GCSH: variants seen among roughly 807,000 people sequenced by gnomAD.
GCSH encodes glycine cleavage system H protein, mitochondrial.
GCSH carries 15 observed loss-of-function variants against 21.3 expected under a neutral mutation model. The observed-to-expected ratio is 0.70, with a 90% CI of 0.47 to 1.08. The LOEUF is 1.08. Ranked by LOEUF, GCSH falls within the 50% of genes least tolerant of loss-of-function variation. The pLI, the probability that GCSH is intolerant of heterozygous loss-of-function variation, is 0.00. For missense variants in GCSH, 179 were observed against 217.5 expected (o/e 0.82, Z 1.11); for synonymous variants, 59 against 84.5 (o/e 0.70, Z 1.66).
chr16:81,084,342 C>T, intron 4 of GCSH, 121 bp downstream of exon 4: 2 of 797,820 alleles, frequency 2.5e-6, no homozygotes, highest in Non-Finnish European at 4.4e-6. Context: ...AGCAGAACAT[C>T]TCTATTTAGT....
At chr16:81,091,412 C>T (rs1972394750) in intron 1 of GCSH, among the ~76,000 whole-genome samples, 1 of 152,132 alleles carries the variant, frequency 6.6e-6, no homozygotes, top group African/African-American at 2.4e-5. Context: ...AGGTTCAGCC[C>T]TCGACTTACT....
At chr16:81,088,368 G>C (rs181022647) in intron 2 of GCSH, among the ~76,000 whole-genome samples, 2 of 152,270 alleles carry the variant, frequency 1.3e-5, no homozygotes, top group East Asian at 3.9e-4. Flanking sequence ...CCTAACACAA[G>C]CCTCCTGCCC....
chr16:81,085,539 TC>T (rs1303597350), intron 3 of GCSH, among the ~76,000 whole-genome samples: 1 of 152,142 alleles, frequency 6.6e-6, no homozygotes, highest in Non-Finnish European at 1.5e-5. Context: ...TTTAGAATGT[TC>T]CAGTGACAGT....
Position 81,082,033 on chromosome 16 carries a change from C to T in GCSH, c.*833G>A, listed in dbSNP as rs1297303602. The stretch of plus-strand genomic sequence containing the variant: ...ACGTGGTTTAACAACTTAAAAACAC[C>T]ATGTGCTATACTGATCAAAACTTCC... On this transcript the variant is annotated 3_prime_UTR_variant, in exon 5 of 5. Coordinates refer to ENST00000315467, the MANE Select transcript of GCSH (RefSeq NM_004483.5). 2.2e-6 allele frequency: 1 copy of T among 453,920 alleles called. No homozygotes were observed. Among genetic ancestry groups the T allele is most frequent in the Non-Finnish European group, 4.4e-6 (1 of 226,770 alleles). The allele number at this position is 453,920 out of a possible 1,614,324, so 28.1% of individuals were successfully genotyped here. A position where few individuals can be genotyped will look rare whatever the true frequency, so the allele number is the denominator to read the frequency against.
intron 3 of GCSH, among the ~76,000 whole-genome samples, chr16:81,085,808 C>T (rs8177936): frequency 0.037 from 5,658 of 152,004 alleles, 289 homozygotes; most frequent in African/African-American, 0.12. Flanking sequence ...TGCAGTGAGC[C>T]GAGACCATGC....
chr16:81,082,240 G>A lies in GCSH; in HGVS notation c.*626C>T, dbSNP rs1179676935. The A allele has an allele frequency of 2.2e-6, 1 of 452,844 alleles. No homozygotes were observed. Among genetic ancestry groups the A allele is most frequent in the African/African-American group, 2.0e-5 (1 of 49,940 alleles). 28.1% of individuals were successfully genotyped at this position (452,844 alleles called of 1,614,324 possible). ...TCTGGCTTAAATTTCCTTTTAAAAA[G>A]TAACTTTCCGTAAGTTAAAGTTAGC... On this transcript the variant is annotated 3_prime_UTR_variant, in exon 5 of 5. Transcript: ENST00000315467.
chr16:81,087,253 C>A (rs915336406), intron 3 of GCSH, among the ~76,000 whole-genome samples: 3 of 152,034 alleles, frequency 2.0e-5, no homozygotes, highest in Non-Finnish European at 2.9e-5. Flanking sequence ...TGGCTGGGCA[C>A]GGTGGCTCAC....
chr16:81,088,111 G>GC (rs2151769605), intron 2 of GCSH, among the ~76,000 whole-genome samples: 1 of 152,106 alleles, frequency 6.6e-6, no homozygotes, highest in Admixed American at 6.6e-5. Flanking sequence ...TGGCGACAGA[G>GC]CAAGACTCCA....
At chr16:81,089,439 GC>G (rs8177888) in intron 2 of GCSH, among the ~76,000 whole-genome samples, 5,298 of 152,194 alleles carry the variant, frequency 0.035, 243 homozygotes, top group African/African-American at 0.11. Context: ...GTTTTGATAG[GC>G]CAAGTGTGTT....
intron 1 of GCSH, chr16:81,091,252 T>C (rs963600790): frequency 2.8e-6 from 1 of 363,202 alleles, no homozygotes. Context: ...ACTAAGTTCT[T>C]AAAATTCTAC....
Position 81,083,334 on chromosome 16 carries a change from A to G in GCSH, c.425-371T>C, listed in dbSNP as rs142514285. Reference sequence around the variant, plus strand: ...GGAGCTCTAGACCAGCCTGGCCAACATAGTGGAACCCCATCTCTACCAAAA... The same window carrying G: ...GGAGCTCTAGACCAGCCTGGCCAACGTAGTGGAACCCCATCTCTACCAAAA... On this transcript the variant is annotated intron_variant, in intron 4 of 4. Coordinates refer to ENST00000315467, the MANE Select transcript of GCSH (RefSeq NM_004483.5). 1.7e-3 allele frequency: 463 copies of G among 264,962 alleles called. 3 individuals carry two copies. The highest frequency in any genetic ancestry group is 1.0e-2 in the African/African-American group (436 of 43,750). 16.4% of individuals were successfully genotyped at this position (264,962 alleles called of 1,614,324 possible). A position where few individuals can be genotyped will look rare whatever the true frequency, so the allele number is the denominator to read the frequency against.
At position 81,090,889 on chromosome 16, in the gene GCSH, C is replaced by T. The variant is rs8177873; in HGVS notation, c.149-209G>A. The T allele has an allele frequency of 1.1e-5, 7 of 625,716 alleles. No individual in the cohort carries two copies. In the African/African-American group the frequency reaches 1.3e-4, roughly 11 times the overall value. The allele number at this position is 625,716 out of a possible 1,614,324, so 38.8% of individuals were successfully genotyped here. ...AGTACCATTTAAGCAAAGATGGCTTCATCTGAACACCTTGTGCATCTTTTG... is the reference window on the plus strand; with the variant it reads ...AGTACCATTTAAGCAAAGATGGCTTTATCTGAACACCTTGTGCATCTTTTG... On this transcript the variant is annotated intron_variant, in intron 1 of 4. Coordinates refer to ENST00000315467, the MANE Select transcript of GCSH (RefSeq NM_004483.5).
intron 3 of GCSH, 117 bp from the exon 4 acceptor site, chr16:81,084,711 CTTT>C (rs35385687): frequency 0.013 from 7,570 of 560,930 alleles, 6 homozygotes; most frequent in East Asian, 0.024. Context: ...TTCCAAATTT[CTTT>C]TTTTTTTTTT....
intron 1 of GCSH, among the ~76,000 whole-genome samples, chr16:81,092,747 AAAAC>A (rs760852291): frequency 6.8e-6 from 1 of 146,360 alleles, no homozygotes; most frequent in East Asian, 2.0e-4. Flanking sequence ...AGTCTCAAAA[AAAAC>A]AAACAAAAAA....
At chr16:81,092,234 C>T (rs892539226) in intron 1 of GCSH, among the ~76,000 whole-genome samples, 4 of 152,148 alleles carry the variant, frequency 2.6e-5, no homozygotes, top group Middle Eastern at 3.4e-3. Context: ...CATGCTCTTA[C>T]GGCACCCTGT....
rs571843179 is a variant in GCSH, at chr16:81,084,191, C to G, written c.424+272G>C. ...ACAGAGTTTCACCATGTTGCCCAGG[C>G]TGGTCTCCAACTCCTGGACTAAAGC... On this transcript the variant is annotated intron_variant, in intron 4 of 4. Coordinates refer to ENST00000315467, the MANE Select transcript of GCSH (RefSeq NM_004483.5). The G allele has an allele frequency of 8.7e-5, 49 of 564,086 alleles. No homozygotes were observed. In the African/African-American group the frequency reaches 9.0e-4, roughly 10 times the overall value. 34.9% of individuals were successfully genotyped at this position (564,086 alleles called of 1,614,324 possible).
intron 2 of GCSH, among the ~76,000 whole-genome samples, chr16:81,089,339 C>T (rs188445690): frequency 6.6e-6 from 1 of 152,274 alleles, no homozygotes; most frequent in East Asian, 1.9e-4. Flanking sequence ...TTAAGAGTCA[C>T]GTTGGTGCTC....
chr16:81,082,980 A>G lies in GCSH; in HGVS notation c.425-17T>C, dbSNP rs1238353897. ...TCAGCCAACCTGCAACCAAAAGACA[A>G]CCTTATATTCCACATTAACTTTTTA... is the stretch of plus-strand genomic sequence containing the variant. On this transcript the variant is annotated splice_polypyrimidine_tract_variant and intron_variant, in intron 4 of 4. Transcript: ENST00000315467. 6.9e-7 allele frequency: 1 copy of G among 1,445,544 alleles called. No homozygotes were observed. Among genetic ancestry groups the G allele is most frequent in the Admixed American group, 1.7e-5 (1 of 59,796 alleles). 89.5% of individuals were successfully genotyped at this position (1,445,544 alleles called of 1,614,324 possible). A position where few individuals can be genotyped will look rare whatever the true frequency, so the allele number is the denominator to read the frequency against.
chr16:81,091,279 C>T, intron 1 of GCSH: 1 of 355,506 alleles, frequency 2.8e-6, no homozygotes, highest in Non-Finnish European at 5.4e-6. Flanking sequence ...CAAATTCAAG[C>T]CTAACCTTGA....
Sources: allele counts gnomAD v4.1 joint callset (sites outside exome capture counted in the v4.1 genomes callset), GRCh38; gene constraint gnomAD v4.1.1; transcripts MANE v1.5; gene names NCBI Gene and HGNC (gene_info 2026-07-23, HGNC 2026-07-21).